The following ERAP2 variants were observed in gnomAD, a reference collection of about 807,000 sequenced individuals.
The protein encoded by ERAP2 is leukocyte-derived arginine aminopeptidase.
A neutral mutation model predicts 111.1 loss-of-function variants in ERAP2; 118 were observed. The observed-to-expected ratio is 1.06, with a 90% CI of 0.92 to 1.24. ERAP2 has a LOEUF of 1.24. Ranked by LOEUF, ERAP2 falls within the 50% of genes most tolerant of loss-of-function variation. ERAP2 has a pLI of 0.00. For synonymous variants in ERAP2, 410 were observed against 401.2 expected, an observed-to-expected ratio of 1.02 and a Z score of -0.26; for missense variants, 1,131 against 1,125.8, an observed-to-expected ratio of 1.00 and a Z score of -0.07.
chr5:96,885,522 T>G (rs1007694554), intron 3 of ERAP2, among the ~76,000 whole-genome samples: 2 of 152,248 alleles, frequency 1.3e-5, no homozygotes, highest in African/African-American at 4.8e-5. Context: ...AATTAAATTC[T>G]GTAGAATTTA....
chr5:96,908,940 G>C (rs1449804233), intron 13 of ERAP2, 21 bp from the exon 14 acceptor site: 1 of 1,604,658 alleles, frequency 6.2e-7, no homozygotes, highest in Non-Finnish European at 8.5e-7. Context: ...ACAAACCACT[G>C]ACATTTGTTT....
At chr5:96,889,609 G>T in intron 5 of ERAP2, 1 of 658,146 alleles carries the variant, frequency 1.5e-6, no homozygotes, top group Non-Finnish European at 2.7e-6. Flanking sequence ...AAGCCAGGTA[G>T]AGGGTCCAGG....
chr5:96,917,621 A>G lies in ERAP2; in HGVS notation c.*16A>G, dbSNP rs952076231. Reference sequence around the variant, plus strand: ...TAATACTTAAATGGTCAATAGAAAAAGTAGGCTGGGCGCGGTGGCTCACGC... The same window carrying G: ...TAATACTTAAATGGTCAATAGAAAAGGTAGGCTGGGCGCGGTGGCTCACGC... On this transcript the variant is annotated 3_prime_UTR_variant, in exon 19 of 19. Coordinates refer to ENST00000437043, the MANE Select transcript of ERAP2 (RefSeq NM_022350.5). 1.9e-6 allele frequency: 3 copies of G among 1,584,608 alleles called. No homozygotes were observed. Among genetic ancestry groups the G allele is most frequent in the Non-Finnish European group, 2.6e-6 (3 of 1,161,058 alleles).
intron 13 of ERAP2, among the ~76,000 whole-genome samples, chr5:96,905,844 C>T (rs574923691): frequency 6.6e-5 from 10 of 151,910 alleles, no homozygotes; most frequent in African/African-American, 2.4e-4. Context: ...CCTGGGTGAC[C>T]GAATAATACT....
chr5:96,909,864 G>GA lies in ERAP2; in HGVS notation c.2354+109dup, dbSNP rs575473220. On this transcript the variant is annotated intron_variant, in intron 15 of 18. Coordinates refer to ENST00000437043, the MANE Select transcript of ERAP2 (RefSeq NM_022350.5). ...GGTCTAAAACCTTTTAGTGAGGATA[G>GA]AAAAAAAAACATGCTGGGCATTACA... 5,174 of 1,169,858 alleles carry GA rather than the reference G, an allele frequency of 4.4e-3. 1 individual carries two copies. The highest frequency in any genetic ancestry group is 5.1e-3 in the Non-Finnish European group (4,344 of 849,514). 72.5% of individuals were successfully genotyped at this position (1,169,858 alleles called of 1,614,324 possible).
intron 5 of ERAP2, among the ~76,000 whole-genome samples, chr5:96,889,681 T>C (rs1784125659): frequency 6.6e-6 from 1 of 152,144 alleles, no homozygotes; most frequent in African/African-American, 2.4e-5. Flanking sequence ...GGGGTCCACA[T>C]GTCCAAGATG....
chr5:96,914,425 C>T (rs1054580687), intron 17 of ERAP2, among the ~76,000 whole-genome samples: 4 of 152,158 alleles, frequency 2.6e-5, no homozygotes, highest in Admixed American at 2.0e-4. Context: ...AAGGAGTTGA[C>T]GTCCACATGA....
At chr5:96,913,565 T>G in intron 17 of ERAP2, 108 bp downstream of exon 17, 1 of 1,299,170 alleles carries the variant, frequency 7.7e-7, no homozygotes, top group Non-Finnish European at 1.1e-6. Flanking sequence ...ATACCATTTG[T>G]ATCCAAATAG....
chr5:96,903,991 C>T (rs1358127562), intron 13 of ERAP2, among the ~76,000 whole-genome samples: 1 of 152,206 alleles, frequency 6.6e-6, no homozygotes, highest in Non-Finnish European at 1.5e-5. Context: ...TTCGACCCCA[C>T]ATTTAAAATG....
Position 96,908,987 on chromosome 5 carries a change from C to T in ERAP2, c.2039C>T (p.Ala680Val). 1 of 1,614,136 alleles carries T rather than the reference C, an allele frequency of 6.2e-7. No individual in the cohort carries two copies. The highest frequency in any genetic ancestry group is 2.2e-5 in the East Asian group (1 of 44,878). ...VGAGRLTLDK[A>V]LDMTYYLQHE... is the part of the protein sequence containing the mutation. ...GCAGGGAGACTGACCCTAGACAAAG[C>T]TCTTGACATGACTTACTACCTCCAA... Residue 680 changes from alanine to valine, a missense_variant, in exon 14 of 19, where the codon GCT becomes GTT. Ala to Val is a moderately conservative substitution (Grantham distance 64). This residue lies in a region of ERAP2 where 847 missense variants were observed against 856.5 expected (regional missense o/e 0.99). Transcript: ENST00000437043.
intron 5 of ERAP2, 84 bp from the exon 6 acceptor site, chr5:96,892,215 A>G (rs1784457582): frequency 7.3e-7 from 1 of 1,367,054 alleles, no homozygotes; most frequent in Non-Finnish European, 1.0e-6. Flanking sequence ...TGCTTAAAGG[A>G]TCATAGTGTA....
At position 96,887,107 on chromosome 5, in the gene ERAP2, A is replaced by ATATG. The variant is rs1381888032; in HGVS notation, c.849+318_849+319insTATG. On this transcript the variant is annotated intron_variant, in intron 4 of 18. Coordinates refer to ENST00000437043, the MANE Select transcript of ERAP2 (RefSeq NM_022350.5). The stretch of plus-strand genomic sequence containing the variant: ...TATATATATATATATATATACACAC[A>ATATG]CACACACACACACACACACATACAT... Among the ~76,000 whole-genome samples the ATATG allele has an allele frequency of 7.5e-3, 284 of 37,646 alleles. 3 individuals are homozygous for ATATG. Among genetic ancestry groups the ATATG allele is most frequent in the African/African-American group, 0.021 (276 of 13,170 alleles). 24.7% of individuals were successfully genotyped at this position (37,646 alleles called of 152,430 possible).
Position 96,892,402 on chromosome 5 carries a change from T to C in ERAP2, c.1074T>C (p.Ala358=). The stretch of plus-strand genomic sequence containing the variant: ...TTTTTGACCCCAAGACCTCTTCTGC[T>C]TCCGATAAACTGTGGGTCACCAGAG... ...SLLFDPKTSS[A]SDKLWVTRVI... Residue 358 remains alanine (A), a synonymous_variant, in exon 6 of 19, where the codon GCT becomes GCC. Transcript: ENST00000437043. The C allele has an allele frequency of 6.2e-7, 1 of 1,614,058 alleles. No individual in the cohort carries two copies. The highest frequency in any genetic ancestry group is 8.5e-7 in the Non-Finnish European group (1 of 1,179,928).
intron 8 of ERAP2, 22 bp from the exon 9 acceptor site, chr5:96,896,710 A>C: frequency 6.5e-7 from 1 of 1,532,980 alleles, no homozygotes; most frequent in Admixed American, 2.3e-5. Flanking sequence ...TCTTTTTTCA[A>C]CTCTTTTGTT....
chr5:96,893,029 G>A (rs1784531972), intron 6 of ERAP2, among the ~76,000 whole-genome samples: 1 of 152,176 alleles, frequency 6.6e-6, no homozygotes, highest in Non-Finnish European at 1.5e-5. Flanking sequence ...GGGAAAGTGT[G>A]CGGATCACAT....
At chr5:96,913,921 C>G (rs1276237782) in intron 17 of ERAP2, among the ~76,000 whole-genome samples, 1 of 152,138 alleles carries the variant, frequency 6.6e-6, no homozygotes, top group Non-Finnish European at 1.5e-5. Context: ...ACAGTGGAGA[C>G]CTTGGTTCAG....
chr5:96,903,235 C>T (rs2303211), intron 12 of ERAP2, 142 bp from the exon 13 acceptor site: 24,193 of 611,728 alleles, frequency 0.04, 1,284 homozygotes, highest in East Asian at 0.17. Context: ...CAGTGAACTA[C>T]GAAAATGAAT....
At chr5:96,913,038 T>G (rs952508079) in intron 16 of ERAP2, among the ~76,000 whole-genome samples, 2 of 152,224 alleles carry the variant, frequency 1.3e-5, no homozygotes, top group Admixed American at 6.5e-5. Context: ...CTTCAGAAAC[T>G]TGAAGAAAAA....
At chr5:96,880,769 T>C (rs1032013927) in intron 2 of ERAP2, among the ~76,000 whole-genome samples, 1 of 152,252 alleles carries the variant, frequency 6.6e-6, no homozygotes, top group Admixed American at 6.5e-5. Context: ...GCACATACTA[T>C]GTGCCAGGCA....
Sources: allele counts gnomAD v4.1 joint callset (sites outside exome capture counted in the v4.1 genomes callset), GRCh38; gene constraint gnomAD v4.1.1; regional missense constraint gnomAD v4.1.1; transcripts MANE v1.5; gene names NCBI Gene and HGNC (gene_info 2026-07-23, HGNC 2026-07-21).